Variants in ACTN4 observed in about 807,000 individuals in gnomAD.
ACTN4 encodes the protein actinin alpha 4.
In ACTN4, 18 loss-of-function variants were observed where a neutral mutation model predicts 114.2. The observed-to-expected ratio is 0.16, with a 90% CI of 0.11 to 0.23. The LOEUF (loss-of-function observed/expected upper bound fraction) is 0.23. ACTN4 is among the 10% of genes least tolerant of loss of function. The pLI is 1.00. For missense variants in ACTN4, 722 were observed against 1,262.9 expected, an observed-to-expected ratio of 0.57 and a Z score of 6.49; for synonymous variants, 515 against 506.3, an observed-to-expected ratio of 1.02 and a Z score of -0.23.
intron 1 of ACTN4, among the ~76,000 whole-genome samples, chr19:38,664,565 A>G (rs1966898910): frequency 6.6e-6 from 1 of 152,156 alleles, no homozygotes; most frequent in Non-Finnish European, 1.5e-5. Flanking sequence ...AAAGGATTAG[A>G]CTGCCTAGCA....
intron 17 of ACTN4, among the ~76,000 whole-genome samples, chr19:38,726,302 A>AG (rs1969230824): frequency 6.6e-6 from 1 of 152,092 alleles, no homozygotes; most frequent in East Asian, 1.9e-4. Context: ...AAAAAAAAAA[A>AG]AAAGATTGAA....
chr19:38,698,805 C>A (rs1033726910), intron 1 of ACTN4, among the ~76,000 whole-genome samples: 3 of 152,192 alleles, frequency 2.0e-5, no homozygotes, highest in African/African-American at 7.2e-5. Context: ...GAAGGAAGCC[C>A]CATGCTGGGT....
chr19:38,664,448 A>G (rs750007557), intron 1 of ACTN4, among the ~76,000 whole-genome samples: 9 of 151,964 alleles, frequency 5.9e-5, no homozygotes, highest in East Asian at 1.9e-4. Context: ...GTGGTTTCAG[A>G]TGTGTTTCTC....
chr19:38,663,471 C>T (rs894379388), intron 1 of ACTN4, among the ~76,000 whole-genome samples: 4 of 152,104 alleles, frequency 2.6e-5, no homozygotes, highest in Non-Finnish European at 4.4e-5. Context: ...AACGGCACAC[C>T]GACAAGCTCA....
At chr19:38,649,565 G>A (rs752692050) in intron 1 of ACTN4, among the ~76,000 whole-genome samples, 4 of 152,160 alleles carry the variant, frequency 2.6e-5, no homozygotes, top group Admixed American at 1.3e-4. Context: ...GGTTCCCTGC[G>A]GTGATTCTGT....
At chr19:38,663,247 G>A (rs1254166123) in intron 1 of ACTN4, among the ~76,000 whole-genome samples, 1 of 152,174 alleles carries the variant, frequency 6.6e-6, no homozygotes, top group Non-Finnish European at 1.5e-5. Context: ...TGTAACATGA[G>A]TTGGGGCTTC....
At position 38,714,522 on chromosome 19, in the gene ACTN4, C is replaced by T. The variant is rs374240674; in HGVS notation, c.873C>T (p.Asn291=). 45 of 1,613,958 alleles carry T rather than the reference C, an allele frequency of 2.8e-5. No individual in the cohort carries two copies. Among genetic ancestry groups the T allele is most frequent in the African/African-American group, 2.7e-4 (20 of 75,054 alleles). Residue 291 remains asparagine, a synonymous_variant, in exon 9 of 21, where the codon AAC becomes AAT. Transcript: ENST00000252699. ...ICKVLAVNQE[N]EHLMEDYEKL... ...AGGTGCTGGCTGTCAACCAAGAGAA[C>T]GAGCACCTGATGGAGGACTACGAGA... is the stretch of plus-strand genomic sequence containing the variant.
intron 1 of ACTN4, among the ~76,000 whole-genome samples, chr19:38,690,919 A>G (rs1967902460): frequency 6.6e-6 from 1 of 152,206 alleles, no homozygotes; most frequent in African/African-American, 2.4e-5. Context: ...AGAGAAAGAA[A>G]AGCTGGATGC....
At chr19:38,680,132 G>A (rs887441306) in intron 1 of ACTN4, among the ~76,000 whole-genome samples, 10 of 151,068 alleles carry the variant, frequency 6.6e-5, no homozygotes, top group African/African-American at 1.5e-4. Flanking sequence ...CCTATCAGAC[G>A]CTGAGGTCTT....
chr19:38,702,153 T>C (rs939790394), intron 3 of ACTN4, among the ~76,000 whole-genome samples: 2 of 152,238 alleles, frequency 1.3e-5, no homozygotes, highest in Non-Finnish European at 2.9e-5. Flanking sequence ...TTTATTTTGC[T>C]CAAATGCTAG....
chr19:38,728,665 T>C (rs1022421649), intron 19 of ACTN4, among the ~76,000 whole-genome samples: 4 of 152,158 alleles, frequency 2.6e-5, no homozygotes, highest in African/African-American at 9.7e-5. Flanking sequence ...CTTTCTCTCT[T>C]TCTTCCCCAT....
intron 1 of ACTN4, among the ~76,000 whole-genome samples, chr19:38,673,656 T>TC (rs1568690477): frequency 2.6e-5 from 1 of 37,932 alleles, no homozygotes; most frequent in African/African-American, 8.7e-5. Context: ...TTTATATATT[T>TC]ATATATATTA....
At chr19:38,720,035 A>T (rs1166923886) in intron 11 of ACTN4, among the ~76,000 whole-genome samples, 3 of 152,202 alleles carry the variant, frequency 2.0e-5, no homozygotes, top group Non-Finnish European at 4.4e-5. Flanking sequence ...AGGCTGGCCT[A>T]CTAATTCCCA....
At chr19:38,713,342 G>A (rs576838695) in intron 8 of ACTN4, among the ~76,000 whole-genome samples, 40 of 152,338 alleles carry the variant, frequency 2.6e-4, no homozygotes, top group African/African-American at 8.4e-4. Flanking sequence ...CGTGCTCACA[G>A]AGAGGACTTG....
At chr19:38,728,844 A>G in intron 19 of ACTN4, 152 bp from the exon 20 acceptor site, 1 of 988,710 alleles carries the variant, frequency 1.0e-6, no homozygotes, top group Non-Finnish European at 1.5e-6. Context: ...CCCGGGGCCA[A>G]GGCTGCTGGA....
In ACTN4 at chr19:38,727,034, C is replaced by T. The variant is rs780692731; in HGVS notation, c.2268C>T (p.Thr756=). ...ACGAGGTGGAGAACCAGATCCTCACCCGCGACGCCAAGGGCATCAGCCAGG... is the reference window on the plus strand; with the variant it reads ...ACGAGGTGGAGAACCAGATCCTCACTCGCGACGCCAAGGGCATCAGCCAGG... The part of the protein sequence containing the change: ...TINEVENQIL[T]RDAKGISQEQ... The change falls in exon 18 of 21, where the codon ACC becomes ACT. Residue 756 remains threonine, a synonymous_variant. Transcript: ENST00000252699. The surrounding 1 kb of genome is among the most constrained non-coding windows in gnomAD (Gnocchi z 5.4). The T allele has an allele frequency of 6.2e-7, 1 of 1,614,160 alleles. No homozygotes were observed. Among genetic ancestry groups the T allele is most frequent in the South Asian group, 1.1e-5 (1 of 91,086 alleles).
intron 3 of ACTN4, among the ~76,000 whole-genome samples, chr19:38,703,083 C>T (rs1490417986): frequency 3.3e-5 from 5 of 152,130 alleles, no homozygotes; most frequent in South Asian, 2.1e-4. Context: ...GCCCTAGGCA[C>T]GGCTGGCTGA....
intron 8 of ACTN4, 140 bp from the exon 9 acceptor site, chr19:38,714,329 T>C (rs936055292): frequency 1.3e-6 from 1 of 777,340 alleles, no homozygotes; most frequent in Non-Finnish European, 2.2e-6. Flanking sequence ...CAGGGCACCA[T>C]CTCACTGGAG....
chr19:38,652,032 C>T (rs548552913), intron 1 of ACTN4, among the ~76,000 whole-genome samples: 88 of 152,260 alleles, frequency 5.8e-4, no homozygotes, highest in African/African-American at 1.9e-3. Context: ...CTGTGCCCTG[C>T]CTTGTTTTTC....
Sources: gnomAD v4.1 joint callset for allele counts (sites outside exome capture counted in the v4.1 genomes callset) on GRCh38, gnomAD v4.1.1 for gene constraint, Gnocchi (gnomAD v3.1) non-coding constraint, MANE v1.5 for transcripts, NCBI Gene and HGNC (gene_info 2026-07-23, HGNC 2026-07-21) for gene names.